Variants in FGD5 observed in about 807,000 individuals in gnomAD.
FGD5 encodes FYVE, RhoGEF and PH domain-containing protein 5.
Under a neutral mutation model 133.4 loss-of-function variants are expected in FGD5, and 28 were observed. The ratio of observed to expected loss-of-function variants is 0.21; its 90% confidence interval spans 0.16 to 0.29. FGD5 has a LOEUF of 0.29. Ranked by LOEUF, FGD5 falls within the 10% of genes least tolerant of loss-of-function variation. The pLI, the probability that FGD5 is intolerant of heterozygous loss-of-function variation, is 1.00. For synonymous variants in FGD5, 810 were observed against 776.5 expected, an observed-to-expected ratio of 1.04 and a Z score of -0.72; for missense variants, 1,858 against 1,895.2, an observed-to-expected ratio of 0.98 and a Z score of 0.36.
Position 14,924,044 on chromosome 3 carries a change from C to A in FGD5, c.3974C>A (p.Pro1325His), listed in dbSNP as rs760701817. Residue 1325 changes from proline (P) to histidine (H), a missense_variant, in exon 17 of 20, where the codon CCC (proline) becomes CAC (histidine). Physicochemically the swap from Pro to His is moderately conservative, Grantham distance 77 (BLOSUM62 -2). Transcript: ENST00000285046. ...PVSMSFPLSSPRFSGSAFSSV... is the reference protein window; with the variant it reads ...PVSMSFPLSSHRFSGSAFSSV... The stretch of plus-strand genomic sequence containing the variant: ...AGCATGAGCTTCCCGCTGTCTTCAC[C>A]CCGCTTCTCGGGCAGTGCCTTTTCA... The A allele has an allele frequency of 6.2e-7, 1 of 1,613,928 alleles. No individual in the cohort carries two copies. Among genetic ancestry groups the A allele is most frequent in the African/African-American group, 1.3e-5 (1 of 74,934 alleles).
chr3:14,827,278 A>AT (rs1318461996), intron 1 of FGD5, among the ~76,000 whole-genome samples: 1 of 120,278 alleles, frequency 8.3e-6, no homozygotes, highest in African/African-American at 3.2e-5. Flanking sequence ...CATTTCTGGT[A>AT]TTCTTTTTTT....
At chr3:14,821,775 G>A (rs1405569129) in intron 1 of FGD5, among the ~76,000 whole-genome samples, 179 bp downstream of exon 1, 4 of 152,218 alleles carry the variant, frequency 2.6e-5, no homozygotes, top group African/African-American at 9.6e-5. Flanking sequence ...CGTGAAATGG[G>A]ACTCATGCTA....
chr3:14,922,582 G>A lies in FGD5; in HGVS notation c.3807+34G>A, dbSNP rs768731335. On this transcript the variant is annotated intron_variant, in intron 15 of 19. Coordinates refer to ENST00000285046, the MANE Select transcript of FGD5 (RefSeq NM_152536.4). The surrounding 1 kb of genome is among the most constrained non-coding windows in gnomAD (Gnocchi z 4.1). ...CTGCATCTGGGGTGAGTGTGTGCAT[G>A]GGGGTGGGGTGGGGGAAGGGCATGT... 17 of 1,555,698 alleles carry A rather than the reference G, an allele frequency of 1.1e-5. No individual in the cohort carries two copies. In the South Asian group the frequency reaches 2.0e-4, roughly 18 times the overall value.
At chr3:14,838,662 G>T (rs942806728) in intron 1 of FGD5, among the ~76,000 whole-genome samples, 1 of 152,188 alleles carries the variant, frequency 6.6e-6, no homozygotes, top group Non-Finnish European at 1.5e-5. Context: ...TATTGGGTGA[G>T]GTTCTGGGTA....
At chr3:14,893,759 T>C (rs1358907504) in intron 4 of FGD5, among the ~76,000 whole-genome samples, 2 of 137,954 alleles carry the variant, frequency 1.4e-5, no homozygotes, top group Non-Finnish European at 3.1e-5. Context: ...TTTCTTTTTT[T>C]TTTTTTTTTT....
chr3:14,812,924 G>C (rs1301921163), intron 1 of FGD5, among the ~76,000 whole-genome samples: 1 of 152,154 alleles, frequency 6.6e-6, no homozygotes, highest in Non-Finnish European at 1.5e-5. Context: ...ACTTCTATCA[G>C]TTTATTTAGT....
chr3:14,907,702 G>C lies in FGD5; in HGVS notation c.3327G>C (p.Gln1109His), dbSNP rs559409305. 2 of 1,613,698 alleles carry C rather than the reference G, an allele frequency of 1.2e-6. No homozygotes were observed. The highest frequency in any genetic ancestry group is 1.3e-5 in the African/African-American group (1 of 75,038). Reference protein sequence around the residue: ...HSVRGQGDLLQPGREFLKEGT... With the variant: ...HSVRGQGDLLHPGREFLKEGT... ...TCCGGGGCCAAGGGGATCTCCTCCA[G>C]CCAGGAAGGGTGAGTGCCGCCACCA... Residue 1109 changes from glutamine (Q) to histidine (H), a missense_variant, in exon 10 of 20, where the codon CAG becomes CAC. By Grantham distance (24) the Gln-to-His change is conservative. Around this residue, in one of 3 missense-constraint regions of FGD5, gnomAD observed 1,824 missense variants for 1,848.9 expected, o/e 0.99. Coordinates refer to ENST00000285046, the MANE Select transcript of FGD5 (RefSeq NM_152536.4).
At chr3:14,853,327 C>G (rs1202814479) in intron 1 of FGD5, among the ~76,000 whole-genome samples, 1 of 152,124 alleles carries the variant, frequency 6.6e-6, no homozygotes, top group African/African-American at 2.4e-5. Context: ...TTAGAAATCC[C>G]TATCCCGTAT....
At chr3:14,871,699 G>C (rs367722187) in intron 2 of FGD5, among the ~76,000 whole-genome samples, 1 of 152,188 alleles carries the variant, frequency 6.6e-6, no homozygotes, top group Admixed American at 6.5e-5. Context: ...GAGGTCCTTG[G>C]GGGGCTTGAA....
At chr3:14,871,297 A>C (rs1559487630) in intron 2 of FGD5, among the ~76,000 whole-genome samples, 1 of 152,256 alleles carries the variant, frequency 6.6e-6, no homozygotes, top group Non-Finnish European at 1.5e-5. Context: ...CTAGTACATT[A>C]AGATATAGTC....
rs903951605 is a variant in FGD5 at position 14,843,159 on chromosome 3, T to C, written c.2526-20969T>C. Among the ~76,000 whole-genome samples, 24 of 152,234 alleles carry C rather than the reference T, an allele frequency of 1.6e-4. 1 individual carries two copies. The highest frequency in any genetic ancestry group is 4.1e-4 in the African/African-American group (17 of 41,454). On this transcript the variant is annotated intron_variant, in intron 1 of 19. Coordinates refer to ENST00000285046, the MANE Select transcript of FGD5 (RefSeq NM_152536.4). ...TTTGACATTTTGCTTGATTTATCTTTTTCTTTTTTAGGCTGTGGCTCTCGA... is the reference window on the plus strand; with the variant it reads ...TTTGACATTTTGCTTGATTTATCTTCTTCTTTTTTAGGCTGTGGCTCTCGA...
In FGD5 at chr3:14,922,101, C is replaced by G; in HGVS notation, c.3669+84C>G. 7.3e-7 allele frequency: 1 copy of G among 1,363,014 alleles called. No individual in the cohort carries two copies. Among genetic ancestry groups the G allele is most frequent in the Non-Finnish European group, 1.0e-6 (1 of 980,220 alleles). The allele number at this position is 1,363,014 out of a possible 1,614,324, so 84.4% of individuals were successfully genotyped here. A position where few individuals can be genotyped will look rare whatever the true frequency, so the allele number is the denominator to read the frequency against. On this transcript the variant is annotated intron_variant, in intron 14 of 19. Coordinates refer to ENST00000285046, the MANE Select transcript of FGD5 (RefSeq NM_152536.4). The surrounding 1 kb of genome is among the most constrained non-coding windows in gnomAD (Gnocchi z 4.1). ...CGGGCATTGCTGTTGCCACTCACAC[C>G]CAGATGGACGTGTAGCTCCTGTCTT... is the stretch of plus-strand genomic sequence containing the variant.
intron 17 of FGD5, 133 bp from the exon 18 acceptor site, chr3:14,925,937 C>A: frequency 1.6e-6 from 2 of 1,227,530 alleles, no homozygotes; most frequent in Non-Finnish European, 2.2e-6. Flanking sequence ...TGGATAGATC[C>A]TGAGACCTTA....
intron 1 of FGD5, among the ~76,000 whole-genome samples, chr3:14,857,626 T>G (rs2037309889): frequency 6.6e-6 from 1 of 152,148 alleles, no homozygotes; most frequent in Non-Finnish European, 1.5e-5. Context: ...TGCCTATAAG[T>G]TGTAAGGTAC....
At chr3:14,838,891 C>T (rs541514736) in intron 1 of FGD5, among the ~76,000 whole-genome samples, 1 of 152,166 alleles carries the variant, frequency 6.6e-6, no homozygotes, top group South Asian at 2.1e-4. Flanking sequence ...GTTTCCTACC[C>T]CCTCTGCCCC....
chr3:14,882,258 A>G, intron 4 of FGD5: 1 of 982,578 alleles, frequency 1.0e-6, no homozygotes, highest in South Asian at 4.7e-5. Flanking sequence ...GGGGCTGGGC[A>G]ATTTTGTTTT....
At position 14,821,636 on chromosome 3, in the gene FGD5, A is replaced by G. The variant is rs1458470796; in HGVS notation, c.2525+40A>G. 2.0e-6 allele frequency: 3 copies of G among 1,510,770 alleles called. No homozygotes were observed. In the African/African-American group the frequency reaches 4.2e-5, roughly 21 times the overall value. The allele number at this position is 1,510,770 out of a possible 1,614,324, so 93.6% of individuals were successfully genotyped here. A position where few individuals can be genotyped will look rare whatever the true frequency, so the allele number is the denominator to read the frequency against. ...ATTTCCTTTCTTGTTCGGCAGCTGT[A>G]ACTGTCCAGGAGGCAGCGTGGGTGT... On this transcript the variant is annotated intron_variant, in intron 1 of 19. Transcript: ENST00000285046.
chr3:14,819,649 A>T lies in FGD5; in HGVS notation c.578A>T (p.Asp193Val). 1 of 1,548,086 alleles carries T rather than the reference A, an allele frequency of 6.5e-7. No individual in the cohort carries two copies. The highest frequency in any genetic ancestry group is 8.7e-7 in the Non-Finnish European group (1 of 1,145,560). Residue 193 changes from aspartate (D) to valine (V), a missense_variant, in exon 1 of 20, where the codon GAC becomes GTC. By Grantham distance (152) the Asp-to-Val change is radical. Transcript: ENST00000285046. The surrounding 1 kb of genome is among the most constrained non-coding windows in gnomAD (Gnocchi z 4.1). ...GCTGGAGAGGGGGTCTTCCAGAGCG[A>T]CCTCCTCCTGCCTCACATCCATGGA... ...PWAGEGVFQS[D>V]LLLPHIHGED... is the part of the protein sequence containing the mutation.
intron 11 of FGD5, among the ~76,000 whole-genome samples, chr3:14,915,180 C>A (rs1012553766): frequency 7.9e-5 from 12 of 152,220 alleles, no homozygotes; most frequent in African/African-American, 2.9e-4. Flanking sequence ...ACAGCAAGGC[C>A]CGGAGAGAGG....
Sources: allele counts gnomAD v4.1 joint callset (sites outside exome capture counted in the v4.1 genomes callset), GRCh38; gene constraint gnomAD v4.1.1; regional missense constraint gnomAD v4.1.1; non-coding constraint Gnocchi (gnomAD v3.1); transcripts MANE v1.5; gene names NCBI Gene and HGNC (gene_info 2026-07-23, HGNC 2026-07-21).